Variants in TRPM3 observed in about 807,000 individuals in gnomAD.
TRPM3 encodes transient receptor potential cation channel subfamily M member 3, also known as long transient receptor potential channel 3.
TRPM3 carries 77 observed loss-of-function variants against 181.2 expected under a neutral mutation model. The observed-to-expected ratio is 0.42, with a 90% confidence interval of 0.35 to 0.51. The LOEUF (loss-of-function observed/expected upper bound fraction) is 0.51, where lower values mean the gene tolerates loss of function less well. Ranked by LOEUF, TRPM3 falls within the 20% of genes least tolerant of loss-of-function variation. TRPM3 has a pLI of 0.01. For missense variants in TRPM3, 1,759 were observed against 2,196.7 expected (o/e 0.80, Z 3.98); for synonymous variants, 745 against 796.4 (o/e 0.94, Z 1.09).
At chr9:70,888,700 C>T (rs2096138248) in intron 1 of TRPM3, among the ~76,000 whole-genome samples, 1 of 152,116 alleles carries the variant, frequency 6.6e-6, no homozygotes, top group Admixed American at 6.5e-5. Context: ...TTTGGCTCAG[C>T]AGAGGTGCCT....
At chr9:70,867,671 A>G (rs1282420071) in intron 1 of TRPM3, among the ~76,000 whole-genome samples, 1 of 152,110 alleles carries the variant, frequency 6.6e-6, no homozygotes, top group Non-Finnish European at 1.5e-5. Context: ...CATTGAGTAG[A>G]AAAGTATAAG....
intron 20 of TRPM3, among the ~76,000 whole-genome samples, chr9:70,599,610 G>A (rs1195817961): frequency 6.6e-6 from 1 of 152,110 alleles, no homozygotes; most frequent in Non-Finnish European, 1.5e-5. Flanking sequence ...CAGGATGCTT[G>A]TACTTATTCC....
intron 10 of TRPM3, 125 bp downstream of exon 10, chr9:70,640,435 A>T: frequency 3.0e-6 from 2 of 671,960 alleles, no homozygotes; most frequent in Admixed American, 2.8e-5. Flanking sequence ...AGACTTTGCT[A>T]CCAAGGAACA....
chr9:71,261,301 T>C (rs2083036067), intron 1 of TRPM3, among the ~76,000 whole-genome samples: 2 of 152,204 alleles, frequency 1.3e-5, no homozygotes, highest in Non-Finnish European at 2.9e-5. Flanking sequence ...GATTCAGCTA[T>C]TGATACTTGT....
intron 8 of TRPM3, among the ~76,000 whole-genome samples, chr9:70,748,016 ATTT>A (rs2075483726): frequency 6.6e-6 from 1 of 152,174 alleles, no homozygotes; most frequent in Non-Finnish European, 1.5e-5. Context: ...ATAGTTAAAC[ATTT>A]ATTTTTAGAG....
intron 1 of TRPM3, among the ~76,000 whole-genome samples, chr9:70,881,946 G>A (rs2096001868): frequency 6.6e-6 from 1 of 152,114 alleles, no homozygotes; most frequent in South Asian, 2.1e-4. Context: ...CAGTATGTGT[G>A]TTTAAGAGAG....
intron 7 of TRPM3, chr9:70,775,625 G>A (rs1252166025): frequency 6.6e-6 from 1 of 152,190 alleles, no homozygotes; most frequent in Non-Finnish European, 1.5e-5. Flanking sequence ...CTTTGTAGGT[G>A]AGAGCCAGGC....
intron 5 of TRPM3, among the ~76,000 whole-genome samples, chr9:70,838,861 T>C (rs765453322): frequency 3.3e-5 from 5 of 152,178 alleles, no homozygotes; most frequent in Non-Finnish European, 7.4e-5. Flanking sequence ...AAAAAAGGGC[T>C]TGGTTAAACA....
chr9:71,135,947 T>C (rs561256608), intron 1 of TRPM3, among the ~76,000 whole-genome samples: 45 of 152,344 alleles, frequency 3.0e-4, no homozygotes, highest in Admixed American at 5.2e-4. Flanking sequence ...ACTTGCAGCA[T>C]AACCATGAAT....
At chr9:71,366,145 A>G (rs550307495) in intron 1 of TRPM3, among the ~76,000 whole-genome samples, 1 of 152,304 alleles carries the variant, frequency 6.6e-6, no homozygotes, top group South Asian at 2.1e-4. Flanking sequence ...ACACTCCAAA[A>G]TAGTACAAGA....
intron 1 of TRPM3, among the ~76,000 whole-genome samples, chr9:71,277,581 T>C (rs1054500788): frequency 6.6e-6 from 1 of 152,130 alleles, no homozygotes; most frequent in African/African-American, 2.4e-5. Context: ...CAAAGAATAT[T>C]ACAAGGTGGC....
chr9:70,777,291 C>A (rs1357705113), intron 7 of TRPM3, among the ~76,000 whole-genome samples: 1 of 152,060 alleles, frequency 6.6e-6, no homozygotes, highest in Non-Finnish European at 1.5e-5. Flanking sequence ...TAGTGTGGAG[C>A]TGAGCAATTA....
intron 6 of TRPM3, among the ~76,000 whole-genome samples, chr9:70,789,718 T>C (rs1374611671): frequency 6.6e-6 from 1 of 152,234 alleles, no homozygotes; most frequent in Non-Finnish European, 1.5e-5. Flanking sequence ...CATTAGAGCA[T>C]ACGAAAATGT....
intron 1 of TRPM3, among the ~76,000 whole-genome samples, chr9:71,283,735 C>A (rs540838553): frequency 6.6e-6 from 1 of 152,224 alleles, no homozygotes; most frequent in African/African-American, 2.4e-5. Context: ...AATATTTCTT[C>A]AAGATTCTGC....
At chr9:71,418,821 A>AGAG (rs2093679118) in intron 1 of TRPM3, among the ~76,000 whole-genome samples, 1 of 113,602 alleles carries the variant, frequency 8.8e-6, no homozygotes, top group Non-Finnish European at 1.9e-5. Context: ...TACTATATAT[A>AGAG]TATATATCCT....
intron 9 of TRPM3, among the ~76,000 whole-genome samples, chr9:70,663,037 C>T (rs1250204800): frequency 1.3e-5 from 2 of 152,126 alleles, no homozygotes; most frequent in Non-Finnish European, 2.9e-5. Flanking sequence ...AGTATATACA[C>T]ACCACGGAAT....
chr9:71,076,578 T>C (rs2063490785), intron 1 of TRPM3, among the ~76,000 whole-genome samples: 1 of 152,148 alleles, frequency 6.6e-6, no homozygotes, highest in Non-Finnish European at 1.5e-5. Flanking sequence ...CCCTCTTCCA[T>C]CTCAAAAGCG....
At chr9:70,647,930 A>G (rs2059115678) in intron 9 of TRPM3, among the ~76,000 whole-genome samples, 1 of 152,230 alleles carries the variant, frequency 6.6e-6, no homozygotes, top group South Asian at 2.1e-4. Context: ...CAAGAATGCA[A>G]TATCAGTCAC....
intron 1 of TRPM3, among the ~76,000 whole-genome samples, chr9:71,098,392 G>A (rs1454483122): frequency 1.3e-5 from 2 of 152,194 alleles, no homozygotes; most frequent in African/African-American, 4.8e-5. Context: ...AGATATGTGT[G>A]TGGAAACAGA....
Sources: allele counts gnomAD v4.1 joint callset (sites outside exome capture counted in the v4.1 genomes callset), GRCh38; gene constraint gnomAD v4.1.1; transcripts MANE v1.5; gene names NCBI Gene and HGNC (gene_info 2026-07-23, HGNC 2026-07-21).